The following COL4A1 variants were observed in gnomAD, a reference collection of about 807,000 sequenced individuals.
The protein encoded by COL4A1 is collagen alpha-1(IV) chain.
Under a neutral mutation model 216.6 loss-of-function variants are expected in COL4A1, and 40 were observed. The observed-to-expected ratio is 0.18, with a 90% CI of 0.14 to 0.24. COL4A1 has a LOEUF of 0.24. Ranked by LOEUF, COL4A1 falls within the 10% of genes least tolerant of loss-of-function variation. The pLI is 1.00. For synonymous variants in COL4A1, 839 were observed against 810.7 expected, an observed-to-expected ratio of 1.03 and a Z score of -0.59; for missense variants, 1,628 against 2,196.8, an observed-to-expected ratio of 0.74 and a Z score of 5.18.
At chr13:110,302,532 A>G (rs1212759576) in intron 1 of COL4A1, among the ~76,000 whole-genome samples, 1 of 152,166 alleles carries the variant, frequency 6.6e-6, no homozygotes, top group African/African-American at 2.4e-5. Flanking sequence ...GAAGAGGAAG[A>G]AGACAGAAGC....
At chr13:110,167,135 C>A (rs1193536276) in intron 44 of COL4A1, 23 bp downstream of exon 44, 1 of 1,603,520 alleles carries the variant, frequency 6.2e-7, no homozygotes, top group Non-Finnish European at 8.5e-7. Context: ...AAAGGCTGTG[C>A]AGCAAGGTCT....
chr13:110,177,102 AC>A, intron 33 of COL4A1, 65 bp from the exon 34 acceptor site: 27 of 1,604,146 alleles, frequency 1.7e-5, no homozygotes, highest in Non-Finnish European at 2.3e-5. Context: ...CAAAAGGCTC[AC>A]GTTCTTGTTG....
intron 1 of COL4A1, among the ~76,000 whole-genome samples, chr13:110,281,457 G>A (rs1348181181): frequency 6.6e-6 from 1 of 152,090 alleles, no homozygotes; most frequent in Non-Finnish European, 1.5e-5. Flanking sequence ...AAAACAGCCA[G>A]ATCATTCACA....
intron 48 of COL4A1, among the ~76,000 whole-genome samples, chr13:110,161,615 T>C (rs140824484): frequency 4.3e-4 from 65 of 152,374 alleles, no homozygotes; most frequent in African/African-American, 1.5e-3. Context: ...CGTTATACGA[T>C]GGATAGTAAC....
intron 40 of COL4A1, 132 bp from the exon 41 acceptor site, chr13:110,172,902 C>T (rs1566348698): frequency 1.3e-6 from 1 of 764,926 alleles, no homozygotes; most frequent in Non-Finnish European, 2.4e-6. Context: ...GTTAATTGCA[C>T]CCTTGTAATA....
intron 45 of COL4A1, among the ~76,000 whole-genome samples, chr13:110,165,241 G>A (rs1035223417): frequency 2.6e-5 from 4 of 152,124 alleles, no homozygotes; most frequent in African/African-American, 9.7e-5. Context: ...ACTGCATTCT[G>A]GGCTCTGGGA....
intron 6 of COL4A1, among the ~76,000 whole-genome samples, chr13:110,212,163 A>T (rs1195344217): frequency 6.6e-6 from 1 of 152,274 alleles, no homozygotes; most frequent in Non-Finnish European, 1.5e-5. Context: ...GTAAATGATT[A>T]TAGGTAATAA....
At chr13:110,193,330 A>C (rs1256117768) in intron 22 of COL4A1, among the ~76,000 whole-genome samples, 2 of 152,250 alleles carry the variant, frequency 1.3e-5, no homozygotes, top group Non-Finnish European at 2.9e-5. Flanking sequence ...TGCTTAGTCC[A>C]GTTCATGGAC....
chr13:110,155,213 C>A lies in COL4A1; in HGVS notation c.4755+70G>T, dbSNP rs947353578. ...AGAGAACTCCAAGGTGTGGAGGCAC[C>A]AGACAGAGGCGACTATGGGGCGTGA... On this transcript the variant is annotated intron_variant, in intron 50 of 51. Transcript: ENST00000375820. 2.6e-6 allele frequency: 3 copies of A among 1,140,148 alleles called. No homozygotes were observed. The African/African-American group carries it at 4.6e-5, about 17-fold the overall frequency. The allele number at this position is 1,140,148 out of a possible 1,614,324, so 70.6% of individuals were successfully genotyped here.
intron 1 of COL4A1, among the ~76,000 whole-genome samples, chr13:110,299,180 CGACACTGCA>C (rs1047566155): frequency 6.6e-6 from 1 of 152,198 alleles, no homozygotes; most frequent in African/African-American, 2.4e-5. Context: ...ACTAACGTCC[CGACACTGCA>C]GGCCTGCACC....
chr13:110,188,825 G>C (rs1055771038), intron 24 of COL4A1, among the ~76,000 whole-genome samples: 1 of 152,110 alleles, frequency 6.6e-6, no homozygotes, highest in African/African-American at 2.4e-5. Context: ...CTGAAACATC[G>C]CAGGCTAAGG....
intron 1 of COL4A1, among the ~76,000 whole-genome samples, chr13:110,253,672 T>TGTATGTATTACATACACATATAATTATAC (rs1451472628): frequency 7.2e-5 from 10 of 139,478 alleles, no homozygotes; most frequent in East Asian, 2.0e-4. Flanking sequence ...TATATGTGTA[T>TGTATGTATTACATACACATATAATTATAC]GTATGTATTA....
intron 2 of COL4A1, among the ~76,000 whole-genome samples, chr13:110,222,564 G>A (rs1451624938): frequency 1.5e-5 from 2 of 137,418 alleles, no homozygotes; most frequent in African/African-American, 5.0e-5. Flanking sequence ...ACGAGGTCAG[G>A]AGATCGAGAC....
chr13:110,228,502 C>T (rs1011281183), intron 2 of COL4A1, among the ~76,000 whole-genome samples: 13 of 152,100 alleles, frequency 8.5e-5, no homozygotes, highest in South Asian at 6.2e-4. Flanking sequence ...GAAGGGAACA[C>T]GTGACCCAGA....
chr13:110,178,867 A>T, intron 31 of COL4A1, 56 bp downstream of exon 31: 1 of 1,371,852 alleles, frequency 7.3e-7, no homozygotes, highest in Non-Finnish European at 1.0e-6. Context: ...CTCATCCCCC[A>T]TGCTTCAGAA....
At chr13:110,169,976 C>T (rs1160567256) in intron 42 of COL4A1, among the ~76,000 whole-genome samples, 2 of 143,232 alleles carry the variant, frequency 1.4e-5, no homozygotes, top group Non-Finnish European at 3.0e-5. Flanking sequence ...TGATAAAACA[C>T]TGGACCGACA....
In COL4A1 at chr13:110,260,777, C is replaced by T. The variant is rs577800278; in HGVS notation, c.85-18043G>A. 6.6e-5 allele frequency among the ~76,000 whole-genome samples: 10 copies of T among 152,208 alleles called. No homozygotes were observed. In the East Asian group the frequency reaches 9.7e-4, roughly 15 times the overall value. The stretch of plus-strand genomic sequence containing the variant: ...AAAAATGGTCAAAGTGGGCCGGGCG[C>T]GGTGGCTCACGCCTGTAATCCCAGC... On this transcript the variant is annotated intron_variant, in intron 1 of 51. Transcript: ENST00000375820.
chr13:110,291,233 C>T (rs1400554527), intron 1 of COL4A1, among the ~76,000 whole-genome samples: 2 of 152,230 alleles, frequency 1.3e-5, no homozygotes, highest in Non-Finnish European at 2.9e-5. Flanking sequence ...TCTCTTTGAT[C>T]ATCTTCACGT....
At chr13:110,238,186 T>C (rs913404290) in intron 2 of COL4A1, among the ~76,000 whole-genome samples, 3 of 152,212 alleles carry the variant, frequency 2.0e-5, no homozygotes, top group African/African-American at 7.2e-5. Context: ...TTGCTGAGGA[T>C]CTGGGTATCA....
Sources: allele counts gnomAD v4.1 joint callset (sites outside exome capture counted in the v4.1 genomes callset), GRCh38; gene constraint gnomAD v4.1.1; transcripts MANE v1.5; gene names NCBI Gene and HGNC (gene_info 2026-07-23, HGNC 2026-07-21).